The following FAM184A variants were observed in gnomAD, a reference collection of about 807,000 sequenced individuals.
FAM184A encodes protein FAM184A.
In FAM184A, 99 loss-of-function variants were observed where a neutral mutation model predicts 143.8. That is an observed-to-expected ratio of 0.69 (90% CI 0.58 to 0.81). The LOEUF is 0.81. FAM184A is among the 40% of genes least tolerant of loss of function. FAM184A has a pLI of 0.00. For synonymous variants in FAM184A, 427 were observed against 446.4 expected (o/e 0.96, Z 0.55); for missense variants, 1,217 against 1,310.5 (o/e 0.93, Z 1.10).
At chr6:119,068,047 GTT>G (rs148034802) in intron 1 of FAM184A, among the ~76,000 whole-genome samples, 79,603 of 112,208 alleles carry the variant, frequency 0.71, 26,505 homozygotes, top group Admixed American at 0.79. Context: ...TTGTGTGTGG[GTT>G]TTTTTTTTTT....
intron 1 of FAM184A, among the ~76,000 whole-genome samples, chr6:119,124,488 A>G (rs1789304385): frequency 6.6e-6 from 1 of 152,182 alleles, no homozygotes; most frequent in South Asian, 2.1e-4. Context: ...TTATAATTTT[A>G]AAAATCTACA....
In FAM184A at chr6:119,078,169, A is replaced by G; in HGVS notation, c.131T>C (p.Met44Thr). The G allele has an allele frequency of 6.3e-7, 1 of 1,592,786 alleles. No homozygotes were observed. The highest frequency in any genetic ancestry group is 8.5e-7 in the Non-Finnish European group (1 of 1,171,410). Reference protein sequence around the residue: ...MDYSQEMHLKMSKKIAQLTKV... With the variant: ...MDYSQEMHLKTSKKIAQLTKV... Reference sequence around the variant, plus strand: ...GGTGAGCTGGGCGATTTTCTTGCTCATTTTCAGGTGCATCTCCTGGCTGTA... The same window carrying G: ...GGTGAGCTGGGCGATTTTCTTGCTCGTTTTCAGGTGCATCTCCTGGCTGTA... The change falls in exon 1 of 18, where the codon ATG becomes ACG. Residue 44 changes from methionine (M) to threonine (T), a missense_variant. Met to Thr is a moderately conservative substitution (Grantham distance 81). Transcript: ENST00000338891. The surrounding 1 kb of genome is among the most constrained non-coding windows in gnomAD (Gnocchi z 5.5).
chr6:119,147,074 TTTTTG>T (rs1582656187), intron 1 of FAM184A, among the ~76,000 whole-genome samples: 1 of 118,904 alleles, frequency 8.4e-6, no homozygotes, highest in South Asian at 2.6e-4. Context: ...GTTTTTTTTT[TTTTTG>T]TTTTTTTGTC....
rs184185946 is a variant in FAM184A at position 119,118,122 on chromosome 6, C to T, written c.-202+30956G>A. On this transcript the variant is annotated intron_variant, in intron 1 of 16. Transcript: ENST00000352896. ...CTGCAGTTATTAATTAAGCCAGGACCTTTCCATAGATGCAGAAGTTTGGTC... is the reference window on the plus strand; with the variant it reads ...CTGCAGTTATTAATTAAGCCAGGACTTTTCCATAGATGCAGAAGTTTGGTC... Among the ~76,000 whole-genome samples the T allele has an allele frequency of 1.4e-3, 218 of 152,288 alleles. 1 individual carries two copies. The highest frequency in any genetic ancestry group is 5.1e-3 in the African/African-American group (212 of 41,552).
chr6:119,011,945 A>C (rs1312822311), intron 5 of FAM184A, among the ~76,000 whole-genome samples: 1 of 152,252 alleles, frequency 6.6e-6, no homozygotes, highest in Non-Finnish European at 1.5e-5. Context: ...TTGGGTAACA[A>C]AGGCAATAAG....
In FAM184A at chr6:119,022,963, C is replaced by A; in HGVS notation, c.1132G>T (p.Asp378Tyr). 6.2e-7 allele frequency: 1 copy of A among 1,614,204 alleles called. No homozygotes were observed. Among genetic ancestry groups the A allele is most frequent in the Non-Finnish European group, 8.5e-7 (1 of 1,180,018 alleles). The change falls in exon 3 of 18, where the codon GAT (aspartate) becomes TAT (tyrosine). Residue 378 changes from aspartate to tyrosine, a missense_variant. Transcript: ENST00000338891. ...CACATACTAGCTTTGAGGACAAGAT[C>A]TGAAGCTTGCTGTTGTAAACGTTCT... is the stretch of plus-strand genomic sequence containing the variant. ...ARERLQQQAS[D>Y]LVLKASHIGM...
At chr6:119,061,531 C>CCTT (rs1787243876) in intron 1 of FAM184A, among the ~76,000 whole-genome samples, 28 of 58,558 alleles carry the variant, frequency 4.8e-4, no homozygotes, top group African/African-American at 2.0e-3. Context: ...AATTATTTTT[C>CCTT]TTTTTTTTTT....
At chr6:119,010,744 T>C (rs1034714394) in intron 6 of FAM184A, among the ~76,000 whole-genome samples, 1 of 152,238 alleles carries the variant, frequency 6.6e-6, no homozygotes, top group African/African-American at 2.4e-5. Flanking sequence ...CAGCCTTCTC[T>C]GTCCTCAGGT....
chr6:119,102,803 A>AAAAC (rs1554196649), intron 1 of FAM184A, among the ~76,000 whole-genome samples: 1 of 142,586 alleles, frequency 7.0e-6, no homozygotes, highest in Non-Finnish European at 1.5e-5. Flanking sequence ...AAAAAAAAAA[A>AAAAC]AAAAGAAAAG....
intron 4 of FAM184A, among the ~76,000 whole-genome samples, chr6:119,017,789 T>C (rs1421446654): frequency 2.6e-5 from 4 of 152,220 alleles, no homozygotes; most frequent in Admixed American, 6.5e-5. Context: ...GGGAGGTGTC[T>C]GGATCATGGG....
intron 1 of FAM184A, among the ~76,000 whole-genome samples, chr6:119,133,357 G>A (rs1317871964): frequency 6.6e-6 from 1 of 152,080 alleles, no homozygotes; most frequent in Non-Finnish European, 1.5e-5. Flanking sequence ...AAGATCCCTA[G>A]GAAGACTCCG....
At chr6:118,988,512 G>A (rs76278217) in intron 9 of FAM184A, among the ~76,000 whole-genome samples, 4,019 of 152,290 alleles carry the variant, frequency 0.026, 63 homozygotes, top group Non-Finnish European at 0.039. Flanking sequence ...TTTGCTGTAG[G>A]TTCACGGAGA....
intron 1 of FAM184A, among the ~76,000 whole-genome samples, chr6:119,134,530 T>G (rs1789611196): frequency 6.6e-6 from 1 of 151,856 alleles, no homozygotes; most frequent in Non-Finnish European, 1.5e-5. Flanking sequence ...GATGTACACA[T>G]GTAATCCCAG....
chr6:119,017,367 G>A (rs1321157394), intron 4 of FAM184A, among the ~76,000 whole-genome samples: 12 of 152,052 alleles, frequency 7.9e-5, no homozygotes, highest in South Asian at 2.1e-4. Flanking sequence ...GCGCGGTGGC[G>A]GGTGCCTGTA....
At chr6:119,070,283 C>A (rs1156289795) in intron 1 of FAM184A, among the ~76,000 whole-genome samples, 1 of 152,092 alleles carries the variant, frequency 6.6e-6, no homozygotes, top group African/African-American at 2.4e-5. Context: ...AATAAGGTTA[C>A]AAATGACAGT....
intron 14 of FAM184A, among the ~76,000 whole-genome samples, chr6:118,970,008 A>ATATATATATATATATATAT: frequency 5.2e-5 from 1 of 19,048 alleles, no homozygotes; most frequent in Non-Finnish European, 1.1e-4. Context: ...ATATATATAT[A>ATATATATATATATATATAT]TTTTTTTTTT....
chr6:119,144,142 G>A (rs189662767), intron 1 of FAM184A, among the ~76,000 whole-genome samples: 1,850 of 147,710 alleles, frequency 0.013, 42 homozygotes, highest in African/African-American at 0.044. Context: ...CCTGGCTAAC[G>A]CAGTGAAACC....
intron 1 of FAM184A, among the ~76,000 whole-genome samples, chr6:119,122,747 C>T (rs1195122103): frequency 1.3e-5 from 2 of 151,322 alleles, no homozygotes; most frequent in East Asian, 3.9e-4. Flanking sequence ...CATGGCAAAA[C>T]CCTGGCTCTA....
At chr6:118,978,833 AC>A (rs1783925725) in intron 11 of FAM184A, among the ~76,000 whole-genome samples, 1 of 152,204 alleles carries the variant, frequency 6.6e-6, no homozygotes, top group South Asian at 2.1e-4. Context: ...AAAAAACAAA[AC>A]CCAAAACAAA....
Sources: gnomAD v4.1 joint callset for allele counts (sites outside exome capture counted in the v4.1 genomes callset) on GRCh38, gnomAD v4.1.1 for gene constraint, Gnocchi (gnomAD v3.1) non-coding constraint, MANE v1.5 for transcripts, NCBI Gene and HGNC (gene_info 2026-07-23, HGNC 2026-07-21) for gene names.